The following NKAIN3 variants were observed in gnomAD, a reference collection of about 807,000 sequenced individuals.
NKAIN3 encodes sodium/potassium transporting ATPase interacting 3, also known as sodium/potassium-transporting ATPase subunit beta-1-interacting protein 3.
A neutral mutation model predicts 30.2 loss-of-function variants in NKAIN3; 25 were observed. The observed-to-expected ratio is 0.83, with a 90% CI of 0.60 to 1.16. The LOEUF (loss-of-function observed/expected upper bound fraction) is 1.16. Ranked by LOEUF, NKAIN3 falls within the 50% of genes most tolerant of loss-of-function variation. The probability of loss-of-function intolerance (pLI) is 0.00; values close to 1 mark genes in which losing one functional copy is unlikely to be tolerated. For synonymous variants in NKAIN3, 91 were observed against 89.6 expected (o/e 1.02, Z -0.09); for missense variants, 225 against 254.1 (o/e 0.89, Z 0.78).
chr8:62,523,783 G>A (rs369667859), intron 1 of NKAIN3, among the ~76,000 whole-genome samples: 6 of 152,080 alleles, frequency 3.9e-5, no homozygotes, highest in African/African-American at 1.4e-4. Context: ...TGAACCCATA[G>A]CAAGTGTGTA....
chr8:62,538,395 G>A (rs550702380), intron 1 of NKAIN3, among the ~76,000 whole-genome samples: 11 of 152,116 alleles, frequency 7.2e-5, no homozygotes, highest in Admixed American at 1.3e-4. Flanking sequence ...GGCTGTTCTC[G>A]AGCTCCTGAG....
chr8:62,818,182 T>A (rs1818743593), intron 4 of NKAIN3, among the ~76,000 whole-genome samples: 1 of 152,292 alleles, frequency 6.6e-6, no homozygotes, highest in Non-Finnish European at 1.5e-5. Context: ...AATAGTATTG[T>A]ACCAATATCA....
In NKAIN3 at chr8:62,788,014, G is replaced by C. The variant is rs1009739456; in HGVS notation, c.471+40885G>C. Reference sequence around the variant, plus strand: ...TACATGTGCATGTGTCTTTATAGCAGCATGATTTATAATCCTTTGGGTATT... The same window carrying C: ...TACATGTGCATGTGTCTTTATAGCACCATGATTTATAATCCTTTGGGTATT... On this transcript the variant is annotated intron_variant, in intron 4 of 6. Transcript: ENST00000623646. 2.6e-4 allele frequency among the ~76,000 whole-genome samples: 29 copies of C among 112,832 alleles called. No individual in the cohort carries two copies. The Admixed American group carries it at 2.9e-3, about 11-fold the overall frequency. 74.0% of individuals were successfully genotyped at this position (112,832 alleles called of 152,430 possible).
intron 3 of NKAIN3, among the ~76,000 whole-genome samples, chr8:62,717,501 G>GTT (rs906240128): frequency 4.1e-5 from 6 of 144,854 alleles, no homozygotes; most frequent in African/African-American, 1.5e-4. Flanking sequence ...GTAATTAAGG[G>GTT]TTTTTTTTTT....
chr8:62,677,888 C>T (rs1472675686), intron 3 of NKAIN3, among the ~76,000 whole-genome samples: 4 of 152,144 alleles, frequency 2.6e-5, no homozygotes, highest in Non-Finnish European at 4.4e-5. Flanking sequence ...TAGTATGTCC[C>T]CCTATCCCCT....
rs937594174 is a variant in NKAIN3 at position 62,751,486 on chromosome 8, C to A, written c.471+4357C>A. On this transcript the variant is annotated intron_variant, in intron 4 of 6. Coordinates refer to ENST00000623646, the MANE Select transcript of NKAIN3 (RefSeq NM_001304533.3). The stretch of plus-strand genomic sequence containing the variant: ...AGTCCAAAGTGCCTTTATGCAAGTG[C>A]AAGAAAATGTGACTATATATTCTTA... Among the ~76,000 whole-genome samples the A allele has an allele frequency of 2.0e-5, 3 of 152,182 alleles. No homozygotes were observed. In the East Asian group the frequency reaches 5.8e-4, roughly 29 times the overall value.
chr8:62,840,419 G>T (rs1554583330), intron 4 of NKAIN3, among the ~76,000 whole-genome samples: 1 of 80,700 alleles, frequency 1.2e-5, no homozygotes, highest in Admixed American at 1.1e-4. Context: ...AAACCTGGAG[G>T]GTCACAAAAA....
chr8:62,940,842 G>A (rs1373539568), intron 5 of NKAIN3, among the ~76,000 whole-genome samples: 3 of 151,750 alleles, frequency 2.0e-5, no homozygotes, highest in Admixed American at 2.0e-4. Flanking sequence ...GACAATCTCA[G>A]GTCACACCTG....
chr8:62,372,805 T>A (rs1300611075), intron 1 of NKAIN3, among the ~76,000 whole-genome samples: 1 of 152,098 alleles, frequency 6.6e-6, no homozygotes, highest in East Asian at 1.9e-4. Context: ...ATAGACCACT[T>A]TTTATAAGAG....
At chr8:62,703,769 T>G (rs573847595) in intron 3 of NKAIN3, among the ~76,000 whole-genome samples, 2 of 152,328 alleles carry the variant, frequency 1.3e-5, no homozygotes, top group East Asian at 3.9e-4. Context: ...AGCTACACAC[T>G]TGATCTATTA....
At chr8:62,803,277 A>T (rs1473660210) in intron 4 of NKAIN3, among the ~76,000 whole-genome samples, 2 of 152,196 alleles carry the variant, frequency 1.3e-5, no homozygotes, top group Non-Finnish European at 2.9e-5. Flanking sequence ...ATAGACATCT[A>T]CAGAACTCTC....
At chr8:62,728,482 G>A (rs2130536005) in intron 3 of NKAIN3, among the ~76,000 whole-genome samples, 1 of 151,920 alleles carries the variant, frequency 6.6e-6, no homozygotes, top group Non-Finnish European at 1.5e-5. Flanking sequence ...GACCAACATG[G>A]AGAAACCCAG....
intron 1 of NKAIN3, among the ~76,000 whole-genome samples, chr8:62,441,926 G>C (rs1211341070): frequency 6.6e-6 from 1 of 151,900 alleles, no homozygotes; most frequent in Non-Finnish European, 1.5e-5. Flanking sequence ...AAGTTTCCCA[G>C]ACTTTGATTA....
intron 1 of NKAIN3, among the ~76,000 whole-genome samples, chr8:62,399,559 T>G (rs1817872074): frequency 6.6e-6 from 1 of 152,158 alleles, no homozygotes. Flanking sequence ...TGCTGAGATT[T>G]GCTTAAACAA....
At chr8:62,769,736 A>T (rs183786431) in intron 4 of NKAIN3, among the ~76,000 whole-genome samples, 11 of 152,240 alleles carry the variant, frequency 7.2e-5, no homozygotes, top group African/African-American at 1.4e-4. Context: ...CTATCATTAA[A>T]CCCAAAGTTT....
Position 62,982,556 on chromosome 8 carries a change from T to C in NKAIN3, c.*17149T>C, listed in dbSNP as rs1824110342. 6.6e-6 allele frequency: 1 copy of C among 152,214 alleles called. No homozygotes were observed. The highest frequency in any genetic ancestry group is 1.5e-5 in the Non-Finnish European group (1 of 68,030). 9.4% of individuals were successfully genotyped at this position (152,214 alleles called of 1,614,324 possible). A position where few individuals can be genotyped will look rare whatever the true frequency, so the allele number is the denominator to read the frequency against. On this transcript the variant is annotated 3_prime_UTR_variant, in exon 7 of 7. Transcript: ENST00000623646. ...ATTCTGTAGACATGCTTCATGCATG[T>C]TCTGAATAGGAGCTATGGTATAATG...
intron 4 of NKAIN3, among the ~76,000 whole-genome samples, chr8:62,786,422 C>T (rs1364076907): frequency 6.6e-6 from 1 of 152,034 alleles, no homozygotes; most frequent in Non-Finnish European, 1.5e-5. Flanking sequence ...CCCTGCCCCA[C>T]TCCTGTACTC....
rs545846885 is a variant in NKAIN3, at chr8:62,978,923, C to G, written c.*13516C>G. 1 of 153,426 alleles carries G rather than the reference C, an allele frequency of 6.5e-6. No individual in the cohort carries two copies. Among genetic ancestry groups the G allele is most frequent in the East Asian group, 1.9e-4 (1 of 5,148 alleles). The allele number at this position is 153,426 out of a possible 1,614,324, so 9.5% of individuals were successfully genotyped here. A position where few individuals can be genotyped will look rare whatever the true frequency, so the allele number is the denominator to read the frequency against. ...GTAGTATCTGGACCGGAGTGCACCC[C>G]CACTCACGGCATGGTCCCTCATGGC... On this transcript the variant is annotated 3_prime_UTR_variant, in exon 7 of 7. Transcript: ENST00000623646.
At chr8:62,741,733 A>T (rs1453404276) in intron 3 of NKAIN3, among the ~76,000 whole-genome samples, 3 of 152,204 alleles carry the variant, frequency 2.0e-5, no homozygotes, top group African/African-American at 7.2e-5. Flanking sequence ...TTATTTCCTT[A>T]TGATGGCTCC....
Sources: gnomAD v4.1 joint callset for allele counts (sites outside exome capture counted in the v4.1 genomes callset) on GRCh38, gnomAD v4.1.1 for gene constraint, MANE v1.5 for transcripts, NCBI Gene and HGNC (gene_info 2026-07-23, HGNC 2026-07-21) for gene names.